The following SYNE1 variants were observed in gnomAD, a reference collection of about 807,000 sequenced individuals.
SYNE1 encodes the protein nesprin-1.
A neutral mutation model predicts 1,111.0 loss-of-function variants in SYNE1; 616 were observed. The observed-to-expected ratio is 0.55, with a 90% CI of 0.52 to 0.59. The LOEUF (loss-of-function observed/expected upper bound fraction) is 0.59, where lower values mean the gene tolerates loss of function less well. Among genes scored for constraint, SYNE1 ranks in the 20% least tolerant of loss-of-function variants. The pLI is 0.00. For missense variants in SYNE1, 10,006 were observed against 10,417.0 expected, an observed-to-expected ratio of 0.96 and a Z score of 1.72; for synonymous variants, 3,855 against 3,825.8, an observed-to-expected ratio of 1.01 and a Z score of -0.28.
intron 25 of SYNE1, among the ~76,000 whole-genome samples, chr6:152,451,598 T>C (rs1225433631): frequency 2.7e-5 from 4 of 149,466 alleles, no homozygotes; most frequent in African/African-American, 9.8e-5. Flanking sequence ...TTCTCCTGTC[T>C]CAGCCTCCTG....
At chr6:152,154,620 T>C (rs1191698616) in intron 133 of SYNE1, among the ~76,000 whole-genome samples, 1 of 152,206 alleles carries the variant, frequency 6.6e-6, no homozygotes, top group East Asian at 1.9e-4. Flanking sequence ...CAAGATCTTT[T>C]GGGAGGAATC....
chr6:152,479,728 G>A (rs1302778633), intron 14 of SYNE1, among the ~76,000 whole-genome samples: 1 of 152,144 alleles, frequency 6.6e-6, no homozygotes, highest in African/African-American at 2.4e-5. Flanking sequence ...CTGAACATTA[G>A]GGTAACTGGA....
chr6:152,561,170 C>G (rs2099393994), intron 3 of SYNE1, among the ~76,000 whole-genome samples: 1 of 152,018 alleles, frequency 6.6e-6, no homozygotes, highest in African/African-American at 2.4e-5. Flanking sequence ...AGAGTAAACC[C>G]TAGACTCCAC....
At chr6:152,267,833 G>A (rs1030533502) in intron 100 of SYNE1, among the ~76,000 whole-genome samples, 2 of 152,236 alleles carry the variant, frequency 1.3e-5, no homozygotes, top group Admixed American at 6.5e-5. Flanking sequence ...GATAGGCTGC[G>A]CAGGCTGGAA....
Position 152,628,732 on chromosome 6 carries a change from G to T in SYNE1, c.-223-178C>A, listed in dbSNP as rs1262783006. On this transcript the variant is annotated intron_variant, in intron 2 of 145. Coordinates refer to ENST00000367255, the MANE Select transcript of SYNE1 (RefSeq NM_182961.4). ...CTATGCAAATGTTAGGAATTCCCATGATATTTAATAAAATAAATACATAAA... is the reference window on the plus strand; with the variant it reads ...CTATGCAAATGTTAGGAATTCCCATTATATTTAATAAAATAAATACATAAA... Among the ~76,000 whole-genome samples, 8 of 152,104 alleles carry T rather than the reference G, an allele frequency of 5.3e-5. No homozygotes were observed. The East Asian group carries it at 1.5e-3, about 29-fold the overall frequency.
chr6:152,635,776 C>T (rs2099704926), intron 2 of SYNE1, among the ~76,000 whole-genome samples: 1 of 152,166 alleles, frequency 6.6e-6, no homozygotes, highest in Admixed American at 6.5e-5. Flanking sequence ...TTTTCCACCC[C>T]AAAACGAAAA....
At chr6:152,464,998 T>G (rs774813641) in intron 18 of SYNE1, 21 of 508,648 alleles carry the variant, frequency 4.1e-5, no homozygotes, top group Non-Finnish European at 6.8e-5. Flanking sequence ...CCCTAGACAC[T>G]CCCCTTCATA....
At chr6:152,206,417 C>T in intron 125 of SYNE1, 55 bp from the exon 126 acceptor site, 1 of 1,599,944 alleles carries the variant, frequency 6.3e-7, no homozygotes, top group African/African-American at 1.3e-5. Flanking sequence ...CGTTTCCTTC[C>T]CATAAGGATT....
intron 42 of SYNE1, among the ~76,000 whole-genome samples, chr6:152,410,548 A>C (rs1169889020): frequency 6.6e-6 from 1 of 152,186 alleles, no homozygotes; most frequent in Non-Finnish European, 1.5e-5. Flanking sequence ...CAGCCTGGCC[A>C]ACAGGGCAAA....
At chr6:152,301,832 C>T (rs1240882347) in intron 92 of SYNE1, 37 bp downstream of exon 92, 3 of 1,574,872 alleles carry the variant, frequency 1.9e-6, no homozygotes, top group Non-Finnish European at 2.6e-6. Context: ...AGGCTCCAGT[C>T]AAAGAGCAAA....
chr6:152,510,905 A>T, intron 7 of SYNE1, 106 bp downstream of exon 7: 1 of 1,026,220 alleles, frequency 9.7e-7, no homozygotes, highest in Non-Finnish European at 1.5e-6. Flanking sequence ...CTGCTAAGTT[A>T]AGGATCAACC....
At chr6:152,409,966 A>C (rs147131921) in intron 42 of SYNE1, among the ~76,000 whole-genome samples, 59 of 152,312 alleles carry the variant, frequency 3.9e-4, no homozygotes, top group African/African-American at 1.3e-3. Flanking sequence ...AAATCTATGA[A>C]CTCAATGACA....
intron 3 of SYNE1, among the ~76,000 whole-genome samples, chr6:152,608,752 G>A (rs1472649286): frequency 1.3e-5 from 2 of 152,098 alleles, no homozygotes; most frequent in African/African-American, 2.4e-5. Flanking sequence ...TGGCCACCAC[G>A]GTCAAACCTC....
intron 63 of SYNE1, among the ~76,000 whole-genome samples, chr6:152,363,016 G>T (rs1018664896): frequency 1.8e-4 from 27 of 151,092 alleles, no homozygotes; most frequent in African/African-American, 3.4e-4. Flanking sequence ...GAGTAGCTGG[G>T]ACTACATGCC....
intron 10 of SYNE1, among the ~76,000 whole-genome samples, chr6:152,499,523 T>TA (rs1193262193): frequency 1.3e-5 from 2 of 152,030 alleles, no homozygotes; most frequent in Non-Finnish European, 2.9e-5. Flanking sequence ...CAAGAATTTT[T>TA]AAAAAAATGA....
In SYNE1 at chr6:152,494,207, C is replaced by T. The variant is rs141584835; in HGVS notation, c.939+4535G>A. Among the ~76,000 whole-genome samples, 321 of 152,264 alleles carry T rather than the reference C, an allele frequency of 2.1e-3. 2 individuals carry two copies. The highest frequency in any genetic ancestry group is 6.8e-3 in the Middle Eastern group (2 of 294). ...TTTACTCTACAGTTCCCATAACTTT[C>T]AAAATCCATTTTCCTCCTCACACTT... On this transcript the variant is annotated intron_variant, in intron 11 of 145. Transcript: ENST00000367255.
In SYNE1 at chr6:152,353,673, C is replaced by T. The variant is rs201112569; in HGVS notation, c.10998G>A (p.Leu3666=). The stretch of plus-strand genomic sequence containing the variant: ...TTCTGCTGTTCACGTGGCTCTCGTC[C>T]AGTATCTCCTGAGCTCTAGCTCCCA... ...EEVGARAQEI[L]DESHVNSRMG... is the part of the protein sequence containing the mutation. Residue 3666 remains leucine, a synonymous_variant, in exon 68 of 146, where the codon CTG becomes CTA. Coordinates refer to ENST00000367255, the MANE Select transcript of SYNE1 (RefSeq NM_182961.4). The T allele has an allele frequency of 5.0e-6, 8 of 1,614,218 alleles. No individual in the cohort carries two copies. Among genetic ancestry groups the T allele is most frequent in the African/African-American group, 1.3e-5 (1 of 75,052 alleles).
At position 152,148,929 on chromosome 6, in the gene SYNE1, A is replaced by C. The variant is rs2059962962; in HGVS notation, c.24642+548T>G. On this transcript the variant is annotated intron_variant, in intron 136 of 145. Coordinates refer to ENST00000367255, the MANE Select transcript of SYNE1 (RefSeq NM_182961.4). The surrounding 1 kb of genome is among the most constrained non-coding windows in gnomAD (Gnocchi z 4.1). ...ATAGCCCAGATATAAAATAGGTTTGATCGTAGAAGATTCCAAATACTCTAA... is the reference window on the plus strand; with the variant it reads ...ATAGCCCAGATATAAAATAGGTTTGCTCGTAGAAGATTCCAAATACTCTAA... Among the ~76,000 whole-genome samples, 1 of 152,318 alleles carries C rather than the reference A, an allele frequency of 6.6e-6. No individual in the cohort carries two copies. The highest frequency in any genetic ancestry group is 1.9e-4 in the East Asian group (1 of 5,182).
At chr6:152,620,042 G>A (rs1026169551) in intron 3 of SYNE1, among the ~76,000 whole-genome samples, 6 of 152,144 alleles carry the variant, frequency 3.9e-5, no homozygotes, top group African/African-American at 7.2e-5. Context: ...AGGCACACGC[G>A]CACCGGCTCA....
Sources: allele counts gnomAD v4.1 joint callset (sites outside exome capture counted in the v4.1 genomes callset), GRCh38; gene constraint gnomAD v4.1.1; non-coding constraint Gnocchi (gnomAD v3.1); transcripts MANE v1.5; gene names NCBI Gene and HGNC (gene_info 2026-07-23, HGNC 2026-07-21).